ABCB5: variants seen among roughly 807,000 people sequenced by gnomAD.
The protein encoded by ABCB5 is ATP-binding cassette sub-family B member 5.
Under a neutral mutation model 144.2 loss-of-function variants are expected in ABCB5, and 155 were observed. That is an observed-to-expected ratio of 1.08 (90% CI 0.94 to 1.23). The LOEUF (loss-of-function observed/expected upper bound fraction) is 1.23, where lower values mean the gene tolerates loss of function less well. Ranked by LOEUF, ABCB5 falls within the 50% of genes most tolerant of loss-of-function variation. The probability of loss-of-function intolerance (pLI) is 0.00; values close to 1 mark genes in which losing one functional copy is unlikely to be tolerated. For missense variants in ABCB5, 1,830 were observed against 1,520.8 expected (o/e 1.20, Z -3.38); for synonymous variants, 610 against 528.6 (o/e 1.15, Z -2.11).
intron 14 of ABCB5, among the ~76,000 whole-genome samples, chr7:20,668,760 G>A (rs1785329892): frequency 2.9e-5 from 4 of 140,138 alleles, no homozygotes; most frequent in African/African-American, 8.4e-5. Context: ...CGCCCAGTCC[G>A]GGAGGTGAGG....
chr7:20,722,689 G>T (rs1781909620), intron 20 of ABCB5, among the ~76,000 whole-genome samples: 2 of 152,084 alleles, frequency 1.3e-5, no homozygotes, highest in Non-Finnish European at 2.9e-5. Context: ...GGGCTTGGTG[G>T]CGGTTGCCTG....
At chr7:20,698,627 T>C in intron 17 of ABCB5, 77 bp downstream of exon 17, 2 of 1,399,558 alleles carry the variant, frequency 1.4e-6, no homozygotes, top group South Asian at 2.8e-5. Context: ...TGTATCAGTC[T>C]AAACCACAAG....
intron 14 of ABCB5, chr7:20,659,284 A>G: frequency 6.8e-7 from 1 of 1,462,348 alleles, no homozygotes; most frequent in Non-Finnish European, 9.0e-7. Context: ...ATGAAAAACC[A>G]TTGAACAGTT....
chr7:20,620,393 G>A (rs182182191), intron 1 of ABCB5, among the ~76,000 whole-genome samples: 16 of 152,098 alleles, frequency 1.1e-4, no homozygotes, highest in East Asian at 7.7e-4. Context: ...CAATAAAAAC[G>A]TAGATAATTT....
intron 14 of ABCB5, among the ~76,000 whole-genome samples, 160 bp downstream of exon 14, chr7:20,658,836 G>A (rs145190038): frequency 1.4e-4 from 22 of 152,270 alleles, no homozygotes; most frequent in South Asian, 4.2e-4. Context: ...ATGGCTATAG[G>A]AAGTGGTTTA....
chr7:20,715,386 G>C (rs1335498028), intron 20 of ABCB5, among the ~76,000 whole-genome samples: 1 of 151,828 alleles, frequency 6.6e-6, no homozygotes, highest in African/African-American at 2.4e-5. Context: ...AATGTCTAGA[G>C]CTGGAATGCG....
intron 14 of ABCB5, chr7:20,666,977 T>C: frequency 1.1e-6 from 1 of 941,086 alleles, no homozygotes; most frequent in African/African-American, 1.7e-5. Context: ...CAGTTGAATA[T>C]TTTGTTGTTG....
intron 4 of ABCB5, among the ~76,000 whole-genome samples, chr7:20,629,373 T>C (rs567472065): frequency 6.6e-6 from 1 of 152,316 alleles, no homozygotes; most frequent in Admixed American, 6.5e-5. Context: ...TCTCTAAGAA[T>C]TCAAATAACT....
At chr7:20,623,008 A>G (rs956952705) in intron 1 of ABCB5, among the ~76,000 whole-genome samples, 6 of 152,158 alleles carry the variant, frequency 3.9e-5, no homozygotes, top group African/African-American at 1.4e-4. Flanking sequence ...TCCTTCTTTT[A>G]TTCCAATTCT....
At chr7:20,744,480 T>C (rs1275514352) in intron 25 of ABCB5, among the ~76,000 whole-genome samples, 1 of 152,216 alleles carries the variant, frequency 6.6e-6, no homozygotes, top group East Asian at 1.9e-4. Flanking sequence ...TTCTCATGCC[T>C]CTCCATACCC....
chr7:20,658,418 TA>T, intron 13 of ABCB5, 87 bp from the exon 14 acceptor site: 1 of 1,349,554 alleles, frequency 7.4e-7, no homozygotes, highest in Non-Finnish European at 1.0e-6. Context: ...AAGCTGATAT[TA>T]AAACACAACT....
At chr7:20,667,665 G>A (rs1250686022) in intron 14 of ABCB5, 2 of 610,778 alleles carry the variant, frequency 3.3e-6, no homozygotes, top group African/African-American at 2.1e-5. Flanking sequence ...AATAACATTC[G>A]CCTCTGCCCC....
At chr7:20,680,976 TTC>T (rs1182613285) in intron 14 of ABCB5, among the ~76,000 whole-genome samples, 1 of 16,234 alleles carries the variant, frequency 6.2e-5, no homozygotes, top group East Asian at 0.018. Context: ...TTCTTTTTCT[TTC>T]TTTCTTTCTT....
chr7:20,724,001 ATTG>A (rs1781953261), intron 21 of ABCB5, among the ~76,000 whole-genome samples: 3 of 152,164 alleles, frequency 2.0e-5, no homozygotes, highest in Admixed American at 6.6e-5. Context: ...ACACCTAAGA[ATTG>A]AAAGAGACAT....
At chr7:20,691,033 A>T (rs1295536134) in intron 16 of ABCB5, among the ~76,000 whole-genome samples, 1 of 152,154 alleles carries the variant, frequency 6.6e-6, no homozygotes, top group Non-Finnish European at 1.5e-5. Context: ...GACATTGGAC[A>T]TCATGCAAAG....
At chr7:20,682,910 C>A (rs1785874523) in intron 15 of ABCB5, among the ~76,000 whole-genome samples, 1 of 152,112 alleles carries the variant, frequency 6.6e-6, no homozygotes, top group South Asian at 2.1e-4. Flanking sequence ...ACATAACTTT[C>A]TCATTAGGGC....
Position 20,685,760 on chromosome 7 carries a change from C to T in ABCB5, c.1934C>T (p.Ser645Leu). The stretch of plus-strand genomic sequence containing the variant: ...TATTCTACTGAAAGAAAGACCAACT[C>T]ACTTCCTCTGCACTCTGTGAAGAGC... The part of the protein sequence containing the change: ...MTYSTERKTN[S>L]LPLHSVKSIK... Residue 645 changes from serine to leucine, a missense_variant, in exon 16 of 28, where the codon TCA becomes TTA. By Grantham distance (145) the Ser-to-Leu change is moderately radical. Transcript: ENST00000404938. The T allele has an allele frequency of 6.2e-7, 1 of 1,613,526 alleles. No individual in the cohort carries two copies. Among genetic ancestry groups the T allele is most frequent in the Non-Finnish European group, 8.5e-7 (1 of 1,179,598 alleles).
chr7:20,713,309 C>G (rs2128046877), intron 20 of ABCB5, among the ~76,000 whole-genome samples: 1 of 149,190 alleles, frequency 6.7e-6, no homozygotes, highest in South Asian at 2.2e-4. Flanking sequence ...ACACAGTTCA[C>G]TGTATCCTTG....
intron 27 of ABCB5, among the ~76,000 whole-genome samples, chr7:20,754,285 G>T (rs1783017597): frequency 6.6e-6 from 1 of 152,200 alleles, no homozygotes; most frequent in African/African-American, 2.4e-5. Context: ...ATCCACCCAT[G>T]ATTGCTGCTT....
Sources: gnomAD v4.1 joint callset for allele counts (sites outside exome capture counted in the v4.1 genomes callset) on GRCh38, gnomAD v4.1.1 for gene constraint, MANE v1.5 for transcripts, NCBI Gene and HGNC (gene_info 2026-07-23, HGNC 2026-07-21) for gene names.